The following PCDHGB1 variants were observed in gnomAD, a reference collection of about 807,000 sequenced individuals.
PCDHGB1 encodes protocadherin gamma subfamily B, 1.
Under a neutral mutation model 56.6 loss-of-function variants are expected in PCDHGB1, and 34 were observed. The ratio of observed to expected loss-of-function variants is 0.60; its 90% CI spans 0.46 to 0.80. The LOEUF (loss-of-function observed/expected upper bound fraction) is 0.80. PCDHGB1 is among the 30% of genes least tolerant of loss of function. PCDHGB1 has a pLI of 0.00. For missense variants in PCDHGB1, 1,278 were observed against 1,204.6 expected (o/e 1.06, Z -0.90); for synonymous variants, 561 against 505.9 (o/e 1.11, Z -1.46).
chr5:141,350,380 C>G lies in PCDHGB1; in HGVS notation c.120C>G (p.Ala40=). 6.3e-7 allele frequency: 1 copy of G among 1,589,508 alleles called. No individual in the cohort carries two copies. The highest frequency in any genetic ancestry group is 1.3e-5 in the African/African-American group (1 of 74,286). The change falls in exon 1 of 4, where the codon GCC becomes GCG. Residue 40 remains alanine (A), a synonymous_variant. Coordinates refer to ENST00000523390, the MANE Select transcript of PCDHGB1 (RefSeq NM_018922.3). The stretch of plus-strand genomic sequence containing the variant: ...GATACACGATTCCAGAGGAGCTAGC[C>G]AACGGCTCACGGGTGGGGAAACTTG... ...QIRYTIPEEL[A]NGSRVGKLAK... is the part of the protein sequence containing the mutation.
chr5:141,495,424 A>G (rs927637242), intron 2 of PCDHGB1, among the ~76,000 whole-genome samples: 2 of 152,088 alleles, frequency 1.3e-5, no homozygotes, highest in Non-Finnish European at 2.9e-5. Flanking sequence ...CCCTCCTCCC[A>G]CTGTCCTCTG....
At chr5:141,370,767 G>T (rs749108869) in intron 1 of PCDHGB1, 12 of 1,613,966 alleles carry the variant, frequency 7.4e-6, no homozygotes, top group Non-Finnish European at 1.0e-5. Context: ...GCTGATCCAG[G>T]ATATTAACGA....
intron 1 of PCDHGB1, among the ~76,000 whole-genome samples, chr5:141,406,035 T>C (rs989362338): frequency 4.6e-5 from 7 of 151,898 alleles, no homozygotes; most frequent in Non-Finnish European, 1.0e-4. Flanking sequence ...GGTTGCTTCA[T>C]TGGTTGCAGT....
chr5:141,413,747 A>G (rs1208637349), intron 1 of PCDHGB1: 7 of 1,613,230 alleles, frequency 4.3e-6, no homozygotes, highest in African/African-American at 4.0e-5. Flanking sequence ...AGCCGTGCCA[A>G]TGGCGTCAAG....
intron 1 of PCDHGB1, chr5:141,400,049 C>G (rs1242848324): frequency 6.2e-7 from 1 of 1,613,572 alleles, no homozygotes; most frequent in Non-Finnish European, 8.5e-7. Context: ...CTGCTGGTTG[C>G]TGTGCGTGAT....
At chr5:141,384,897 C>T in intron 1 of PCDHGB1, 4 of 1,613,922 alleles carry the variant, frequency 2.5e-6, no homozygotes, top group Non-Finnish European at 3.4e-6. Context: ...CTGTGGCTGA[C>T]AGCATCCCCG....
At chr5:141,422,013 G>A (rs755656791) in intron 1 of PCDHGB1, 1 of 1,610,536 alleles carries the variant, frequency 6.2e-7, no homozygotes. Context: ...GAACTCGGGT[G>A]CTGATGGTTA....
chr5:141,359,661 A>C (rs545644019), intron 1 of PCDHGB1, among the ~76,000 whole-genome samples: 22 of 152,200 alleles, frequency 1.4e-4, no homozygotes, highest in African/African-American at 4.6e-4. Flanking sequence ...GAATATTTAT[A>C]AAAATCCGTT....
chr5:141,432,035 G>C lies in PCDHGB1; in HGVS notation c.2410-62772G>C. 6 of 1,614,218 alleles carry C rather than the reference G, an allele frequency of 3.7e-6. No homozygotes were observed. Among genetic ancestry groups the C allele is most frequent in the Non-Finnish European group, 5.1e-6 (6 of 1,180,046 alleles). ...CTACAACATCACAGTGACCGCCACT[G>C]ACCGGGGAACCCCGCCCCTATCCAC... On this transcript the variant is annotated intron_variant, in intron 1 of 3. Coordinates refer to ENST00000523390, the MANE Select transcript of PCDHGB1 (RefSeq NM_018922.3). The surrounding 1 kb of genome is among the most constrained non-coding windows in gnomAD (Gnocchi z 6.0).
At chr5:141,430,928 C>A in intron 1 of PCDHGB1, 1 of 1,607,098 alleles carries the variant, frequency 6.2e-7, no homozygotes, top group Non-Finnish European at 8.5e-7. Context: ...GCTGGAGCCC[C>A]GGGAGCTCGC....
intron 1 of PCDHGB1, chr5:141,364,781 C>T (rs754157065): frequency 8.1e-6 from 13 of 1,613,988 alleles, no homozygotes; most frequent in Non-Finnish European, 1.0e-5. Flanking sequence ...TGCAGGGACA[C>T]GGTTAGTGCT....
intron 1 of PCDHGB1, chr5:141,376,412 G>C: frequency 6.2e-7 from 1 of 1,614,166 alleles, no homozygotes; most frequent in East Asian, 2.2e-5. Flanking sequence ...CAACTATGCC[G>C]ACACGCTTAT....
chr5:141,351,075 C>T lies in PCDHGB1; in HGVS notation c.815C>T (p.Ala272Val), dbSNP rs547501388. Residue 272 changes from alanine to valine, a missense_variant, in exon 1 of 4, where the codon GCA (alanine) becomes GTA (valine). Transcript: ENST00000523390. ...ACAGACCAGGATGAGGGCATTAATG[C>T]AGAGATCACCTATGCCTTCCTCAAT... is the stretch of plus-strand genomic sequence containing the variant. ...MATDQDEGIN[A>V]EITYAFLNSP... The T allele has an allele frequency of 2.5e-5, 41 of 1,614,032 alleles. No individual in the cohort carries two copies. The highest frequency in any genetic ancestry group is 3.5e-5 in the Non-Finnish European group (41 of 1,179,874).
In PCDHGB1 at chr5:141,418,848, G is replaced by A. The variant is rs770294020; in HGVS notation, c.2409+66179G>A. 20 of 1,613,836 alleles carry A rather than the reference G, an allele frequency of 1.2e-5. No individual in the cohort carries two copies. Among genetic ancestry groups the A allele is most frequent in the South Asian group, 6.6e-5 (6 of 91,080 alleles). ...AAAGACCGAGGATCTCTCTCAACAC[G>A]GTGTAAAGTAATTGTAGAAGTTGTA... On this transcript the variant is annotated intron_variant, in intron 1 of 3. Coordinates refer to ENST00000523390, the MANE Select transcript of PCDHGB1 (RefSeq NM_018922.3).
intron 1 of PCDHGB1, chr5:141,418,485 A>G (rs1216502936): frequency 6.2e-7 from 1 of 1,614,028 alleles, no homozygotes; most frequent in South Asian, 1.1e-5. Context: ...AGCGCTCACC[A>G]CTTGGTACTG....
At chr5:141,455,185 T>C (rs1334330699) in intron 1 of PCDHGB1, among the ~76,000 whole-genome samples, 1 of 152,064 alleles carries the variant, frequency 6.6e-6, no homozygotes, top group Admixed American at 6.6e-5. Flanking sequence ...TTTTTATTTC[T>C]CTACAAATTT....
chr5:141,418,111 A>G (rs763834283), intron 1 of PCDHGB1: 19 of 1,613,940 alleles, frequency 1.2e-5, no homozygotes, highest in Non-Finnish European at 1.5e-5. Context: ...GCGGGGACTT[A>G]CTTGTGAAGG....
intron 1 of PCDHGB1, chr5:141,383,576 C>T (rs1298305290): frequency 6.2e-7 from 1 of 1,613,446 alleles, no homozygotes; most frequent in Non-Finnish European, 8.5e-7. Flanking sequence ...TCCAGCACCG[C>T]CCACATCCAG....
Position 141,371,037 on chromosome 5 carries a change from G to A in PCDHGB1, c.2409+18368G>A, listed in dbSNP as rs373150812. 63 of 1,613,876 alleles carry A rather than the reference G, an allele frequency of 3.9e-5. No homozygotes were observed. The African/African-American group carries it at 7.9e-4, about 20-fold the overall frequency. ...ACATCACCACCTGGTCCTCACAGCT[G>A]TGGATGGGGGCGAGCCCTCCAGAAG... On this transcript the variant is annotated intron_variant, in intron 1 of 3. Transcript: ENST00000523390.
Sources: allele counts gnomAD v4.1 joint callset (sites outside exome capture counted in the v4.1 genomes callset), GRCh38; gene constraint gnomAD v4.1.1; non-coding constraint Gnocchi (gnomAD v3.1); transcripts MANE v1.5; gene names NCBI Gene and HGNC (gene_info 2026-07-23, HGNC 2026-07-21).